Variants in SLC25A30 observed in about 807,000 individuals in gnomAD.
SLC25A30 encodes kidney mitochondrial carrier protein 1.
A neutral mutation model predicts 42.7 loss-of-function variants in SLC25A30; 29 were observed. That is an observed-to-expected ratio of 0.68 (90% CI 0.51 to 0.93). SLC25A30 has a LOEUF of 0.93. Ranked by LOEUF, SLC25A30 falls within the 40% of genes least tolerant of loss-of-function variation. The pLI is 0.00. For missense variants in SLC25A30, 300 were observed against 359.7 expected, an observed-to-expected ratio of 0.83 and a Z score of 1.34; for synonymous variants, 124 against 131.0, an observed-to-expected ratio of 0.95 and a Z score of 0.37.
At chr13:45,411,540 CAA>C in intron 1 of SLC25A30, 60 bp from the exon 2 acceptor site, 1 of 1,044,128 alleles carries the variant, frequency 9.6e-7, no homozygotes, top group Non-Finnish European at 1.4e-6. Context: ...GTTTCTTCTC[CAA>C]ACTCTTCCCC....
At chr13:45,415,579 G>A (rs562210305) in intron 1 of SLC25A30, among the ~76,000 whole-genome samples, 3 of 151,212 alleles carry the variant, frequency 2.0e-5, no homozygotes, top group Non-Finnish European at 4.4e-5. Flanking sequence ...GGTGAAACCC[G>A]GTCTCTACTA....
the SLC25A30 span, among the ~76,000 whole-genome samples, chr13:45,425,206 GTA>G: frequency 2.1e-4 from 20 of 97,320 alleles, no homozygotes; most frequent in Middle Eastern, 0.012. Context: ...ATATATGTAA[GTA>G]TATATATACG....
At chr13:45,432,840 G>T in the SLC25A30 span, among the ~76,000 whole-genome samples, 1 of 150,998 alleles carries the variant, frequency 6.6e-6, no homozygotes, top group African/African-American at 2.4e-5. Flanking sequence ...ACCAGACTTG[G>T]CAAGATGGCA....
the SLC25A30 span, among the ~76,000 whole-genome samples, chr13:45,424,127 A>C: frequency 8.9e-5 from 9 of 100,852 alleles, no homozygotes; most frequent in East Asian, 2.2e-3. Context: ...ATATATATAA[A>C]TATATAAATA....
intron 1 of SLC25A30, among the ~76,000 whole-genome samples, chr13:45,412,659 T>A (rs917144381): frequency 6.6e-6 from 1 of 152,228 alleles, no homozygotes; most frequent in African/African-American, 2.4e-5. Context: ...TGTCAAGCTG[T>A]AGGCCTATTG....
the SLC25A30 span, among the ~76,000 whole-genome samples, chr13:45,425,467 T>C: frequency 1.0e-5 from 1 of 99,462 alleles, no homozygotes; most frequent in African/African-American, 3.6e-5. Context: ...TATATATAAA[T>C]ATATATAAGC....
At position 45,411,350 on chromosome 13, in the gene SLC25A30, T is replaced by G. The variant is rs758462261; in HGVS notation, c.64+12A>C. 1 of 1,606,136 alleles carries G rather than the reference T, an allele frequency of 6.2e-7. No homozygotes were observed. The highest frequency in any genetic ancestry group is 1.3e-5 in the African/African-American group (1 of 74,750). On this transcript the variant is annotated intron_variant, in intron 2 of 9. Coordinates refer to ENST00000519676, the MANE Select transcript of SLC25A30 (RefSeq NM_001010875.4). Reference sequence around the variant, plus strand: ...CAGCAGGCTACGTGATCCACCACCCTCAGGTCCTTACCGCACTCAGCAGTG... The same window carrying G: ...CAGCAGGCTACGTGATCCACCACCCGCAGGTCCTTACCGCACTCAGCAGTG...
intron 3 of SLC25A30, among the ~76,000 whole-genome samples, chr13:45,406,379 C>T (rs115744293): frequency 0.038 from 5,724 of 152,236 alleles, 192 homozygotes; most frequent in African/African-American, 0.09. Context: ...GCCTCTAAAA[C>T]GATTTCGTAA....
At chr13:45,396,141 T>G (rs1685704715) in intron 9 of SLC25A30, 126 bp from the exon 10 acceptor site, 1 of 1,589,752 alleles carries the variant, frequency 6.3e-7, no homozygotes, top group Non-Finnish European at 8.6e-7. Flanking sequence ...ATGGACACGA[T>G]TAAATAAAAG....
At chr13:45,425,329 T>C in the SLC25A30 span, among the ~76,000 whole-genome samples, 4 of 108,272 alleles carry the variant, frequency 3.7e-5, no homozygotes, top group Non-Finnish European at 6.7e-5. Flanking sequence ...TATATGTAAC[T>C]ATATATAAGT....
chr13:45,399,110 A>AG, intron 7 of SLC25A30, 32 bp from the exon 8 acceptor site: 2 of 1,497,894 alleles, frequency 1.3e-6, no homozygotes, highest in Non-Finnish European at 1.8e-6. Flanking sequence ...AAAAAAAAAA[A>AG]GTTAACCATC....
chr13:45,424,436 T>TATATAA, the SLC25A30 span, among the ~76,000 whole-genome samples: 5 of 58,806 alleles, frequency 8.5e-5, no homozygotes, highest in African/African-American at 1.3e-4. Flanking sequence ...AATATATATA[T>TATATAA]AAATATATAA....
intron 5 of SLC25A30, among the ~76,000 whole-genome samples, chr13:45,403,859 C>T (rs929528610): frequency 6.6e-6 from 1 of 151,652 alleles, no homozygotes; most frequent in African/African-American, 2.4e-5. Context: ...TCGCTTGAAC[C>T]CAGCAGGGTG....
chr13:45,399,171 TG>T, intron 7 of SLC25A30, 93 bp from the exon 8 acceptor site: 3 of 1,285,100 alleles, frequency 2.3e-6, no homozygotes, highest in Non-Finnish European at 3.2e-6. Flanking sequence ...GCCCAAACTA[TG>T]GGGTTTTCTT....
the SLC25A30 span, among the ~76,000 whole-genome samples, chr13:45,424,639 A>AG: frequency 1.9e-4 from 7 of 36,764 alleles, no homozygotes; most frequent in African/African-American, 9.3e-4. Context: ...ATATGTATAT[A>AG]AACATAAATA....
intron 3 of SLC25A30, 50 bp downstream of exon 3, chr13:45,408,877 C>A: frequency 6.5e-7 from 1 of 1,540,002 alleles, no homozygotes; most frequent in Non-Finnish European, 8.8e-7. Flanking sequence ...AAGTCTATAC[C>A]CATGTGAAAC....
chr13:45,397,545 A>AC, intron 8 of SLC25A30: 2 of 392,908 alleles, frequency 5.1e-6, no homozygotes, highest in Admixed American at 4.2e-5. Flanking sequence ...ACAAAAAAAA[A>AC]ATTAGCCGGG....
At chr13:45,401,026 T>C (rs1324816592) in intron 7 of SLC25A30, 57 bp downstream of exon 7, 3 of 1,445,358 alleles carry the variant, frequency 2.1e-6, no homozygotes, top group East Asian at 5.0e-5. Context: ...TATAATACTT[T>C]TATAATAAAC....
chr13:45,420,123 CA>C (rs1373305738), upstream of SLC25A30: 4 of 152,174 alleles, frequency 2.6e-5, no homozygotes, highest in Non-Finnish European at 5.9e-5. Context: ...TTGGTTCATT[CA>C]AGACAAAGAA....
Sources: gnomAD v4.1 joint callset for allele counts (sites outside exome capture counted in the v4.1 genomes callset) on GRCh38, gnomAD v4.1.1 for gene constraint, MANE v1.5 for transcripts, NCBI Gene and HGNC (gene_info 2026-07-23, HGNC 2026-07-21) for gene names.